The following NCOA6 variants were observed in gnomAD, a reference collection of about 807,000 sequenced individuals.
NCOA6 encodes NRC RAP250.
NCOA6 carries 49 observed loss-of-function variants against 171.4 expected under a neutral mutation model. The ratio of observed to expected loss-of-function variants is 0.29; its 90% confidence interval spans 0.23 to 0.36. The LOEUF (loss-of-function observed/expected upper bound fraction) is 0.36. NCOA6 is among the 10% of genes least tolerant of loss of function. The probability of loss-of-function intolerance (pLI) is 1.00; values close to 1 mark genes in which losing one functional copy is unlikely to be tolerated. For synonymous variants in NCOA6, 910 were observed against 927.5 expected (o/e 0.98, Z 0.34); for missense variants, 2,248 against 2,554.5 (o/e 0.88, Z 2.59).
chr20:34,816,804 A>AAAACAAAC (rs374889680), intron 1 of NCOA6, among the ~76,000 whole-genome samples: 1 of 151,152 alleles, frequency 6.6e-6, no homozygotes, highest in Non-Finnish European at 1.5e-5. Flanking sequence ...GCTGTCTCCA[A>AAAACAAAC]AAACAAACAA....
intron 14 of NCOA6, among the ~76,000 whole-genome samples, chr20:34,723,852 T>C (rs1363407684): frequency 2.0e-5 from 3 of 152,218 alleles, no homozygotes; most frequent in Admixed American, 1.3e-4. Flanking sequence ...CTTTAGTACC[T>C]TGAGGCTCTG....
At chr20:34,749,354 A>C in intron 9 of NCOA6, 49 bp downstream of exon 9, 1 of 1,536,940 alleles carries the variant, frequency 6.5e-7, no homozygotes, top group South Asian at 1.3e-5. Context: ...AAAGTTATCC[A>C]CACAGAAAAC....
At chr20:34,767,315 G>C (rs1187070962) in intron 5 of NCOA6, among the ~76,000 whole-genome samples, 2 of 151,816 alleles carry the variant, frequency 1.3e-5, no homozygotes, top group Non-Finnish European at 2.9e-5. Context: ...GTTTTGTTTT[G>C]AGATAGAGTC....
chr20:34,772,927 A>G (rs1010593465), intron 4 of NCOA6, among the ~76,000 whole-genome samples: 4 of 152,188 alleles, frequency 2.6e-5, no homozygotes, highest in African/African-American at 7.2e-5. Flanking sequence ...AAAAAATCAC[A>G]TATTAATAAA....
chr20:34,777,610 G>A (rs555851299), intron 3 of NCOA6, among the ~76,000 whole-genome samples: 6 of 149,544 alleles, frequency 4.0e-5, no homozygotes, highest in African/African-American at 1.0e-4. Context: ...ACAAGACTCC[G>A]TCTCAAAAAA....
At chr20:34,825,128 C>T (rs926253902) in intron 1 of NCOA6, among the ~76,000 whole-genome samples, 2 of 152,070 alleles carry the variant, frequency 1.3e-5, no homozygotes, top group Non-Finnish European at 2.9e-5. Context: ...CGCCTGTTCC[C>T]CAGGCCTGGA....
chr20:34,808,436 C>CTTTT (rs957085400), intron 1 of NCOA6, among the ~76,000 whole-genome samples: 2 of 125,484 alleles, frequency 1.6e-5, no homozygotes, highest in Admixed American at 8.1e-5. Context: ...CTTGTCTGTG[C>CTTTT]TTTTTTTTTT....
intron 1 of NCOA6, among the ~76,000 whole-genome samples, chr20:34,811,896 A>G (rs2078676565): frequency 6.6e-6 from 1 of 152,256 alleles, no homozygotes; most frequent in South Asian, 2.1e-4. Flanking sequence ...TTGCCTAGGC[A>G]TAACTATTAT....
In NCOA6 at chr20:34,742,371, G is replaced by A. The variant is rs200473623; in HGVS notation, c.3885C>T (p.Ser1295=). ...QAPSNLTMNP[S]NFATPQTHKL... is the part of the protein sequence containing the mutation. ...TGTGAGTTTGTGGGGTAGCAAAATTGGAAGGATTCATGGTAAGATTTGAAG... is the reference window on the plus strand; with the variant it reads ...TGTGAGTTTGTGGGGTAGCAAAATTAGAAGGATTCATGGTAAGATTTGAAG... The change falls in exon 11 of 15, where the codon TCC becomes TCT. Residue 1295 remains serine (S), a synonymous_variant. Coordinates refer to ENST00000359003, the MANE Select transcript of NCOA6 (RefSeq NM_014071.5). 6 of 1,614,054 alleles carry A rather than the reference G, an allele frequency of 3.7e-6. No individual in the cohort carries two copies. Among genetic ancestry groups the A allele is most frequent in the Admixed American group, 1.7e-5 (1 of 59,992 alleles).
At chr20:34,776,873 C>T (rs1339229227) in intron 3 of NCOA6, 1 of 416,814 alleles carries the variant, frequency 2.4e-6, no homozygotes, top group Non-Finnish European at 4.7e-6. Context: ...AATCCCAGCA[C>T]TTCGGGAGGC....
intron 1 of NCOA6, among the ~76,000 whole-genome samples, chr20:34,801,958 T>C (rs1259689048): frequency 6.6e-6 from 1 of 152,192 alleles, no homozygotes; most frequent in Non-Finnish European, 1.5e-5. Flanking sequence ...ACTGCTGAAT[T>C]CTACCAAACA....
At chr20:34,756,961 T>C (rs1278235979) in intron 7 of NCOA6, among the ~76,000 whole-genome samples, 1 of 152,180 alleles carries the variant, frequency 6.6e-6, no homozygotes. Context: ...CAAGCAAAAA[T>C]AATTTGAAAA....
Position 34,741,020 on chromosome 20 carries a change from G to A in NCOA6, c.5236C>T (p.Pro1746Ser). 6.2e-7 allele frequency: 1 copy of A among 1,614,236 alleles called. No individual in the cohort carries two copies. Among genetic ancestry groups the A allele is most frequent in the South Asian group, 1.1e-5 (1 of 91,086 alleles). ...ACAACTGGAGAAGACGTACAAGGAG[G>A]GGAAGGAAGCTGAACAGGGGTGGCT... ...SRATPVQLPS[P>S]PCTSSPVVPS... is the part of the protein sequence containing the mutation. Residue 1746 changes from proline (P) to serine (S), a missense_variant, in exon 11 of 15, where the codon CCT becomes TCT. By Grantham distance (74) the Pro-to-Ser change is moderately conservative (BLOSUM62 -1). Around this residue, in one of 7 missense-constraint regions of NCOA6, gnomAD observed 884 missense variants for 941.9 expected, o/e 0.94. Coordinates refer to ENST00000359003, the MANE Select transcript of NCOA6 (RefSeq NM_014071.5).
chr20:34,769,126 A>T (rs2077063840), intron 4 of NCOA6, among the ~76,000 whole-genome samples: 2 of 152,214 alleles, frequency 1.3e-5, no homozygotes, highest in Admixed American at 1.3e-4. Flanking sequence ...AAATCATGCA[A>T]TGAAGAGGAG....
Position 34,727,244 on chromosome 20 carries a change from C to T in NCOA6, c.6148+15G>A. 6.2e-7 allele frequency: 1 copy of T among 1,612,880 alleles called. No individual in the cohort carries two copies. Among genetic ancestry groups the T allele is most frequent in the Non-Finnish European group, 8.5e-7 (1 of 1,179,260 alleles). On this transcript the variant is annotated intron_variant, in intron 14 of 14. Coordinates refer to ENST00000359003, the MANE Select transcript of NCOA6 (RefSeq NM_014071.5). ...CTATTTGACCCACAAATAGCACCCA[C>T]ATCCCACTGCTAACCTTTAGTAGAG...
intron 1 of NCOA6, among the ~76,000 whole-genome samples, chr20:34,800,423 CAG>C (rs1472669426): frequency 6.6e-6 from 1 of 151,988 alleles, no homozygotes; most frequent in Non-Finnish European, 1.5e-5. Context: ...TGAAAAGACA[CAG>C]AAAGTGGCTG....
At chr20:34,766,766 G>A (rs890763484) in intron 5 of NCOA6, among the ~76,000 whole-genome samples, 4 of 152,266 alleles carry the variant, frequency 2.6e-5, no homozygotes, top group African/African-American at 9.6e-5. Flanking sequence ...TACATATTAA[G>A]TCCTTTGGCC....
At chr20:34,793,936 T>C (rs185462548) in intron 1 of NCOA6, among the ~76,000 whole-genome samples, 1 of 152,174 alleles carries the variant, frequency 6.6e-6, no homozygotes, top group African/African-American at 2.4e-5. Flanking sequence ...CAAACGAACA[T>C]TCAACATATG....
chr20:34,812,408 T>C (rs1266973789), intron 1 of NCOA6, among the ~76,000 whole-genome samples: 1 of 152,178 alleles, frequency 6.6e-6, no homozygotes, highest in Non-Finnish European at 1.5e-5. Context: ...GGCATTTCAA[T>C]ACAACAACCC....
Sources: gnomAD v4.1 joint callset for allele counts (sites outside exome capture counted in the v4.1 genomes callset) on GRCh38, gnomAD v4.1.1 for gene constraint, gnomAD v4.1.1 regional missense constraint, MANE v1.5 for transcripts, NCBI Gene and HGNC (gene_info 2026-07-23, HGNC 2026-07-21) for gene names.